SPACA6: variants seen among roughly 807,000 people sequenced by gnomAD.
SPACA6 encodes sperm acrosome membrane-associated protein 6.
For missense variants in SPACA6, 8 were observed against 2.8 expected (o/e 2.88, Z -1.34); for synonymous variants, 6 against 1.5 (o/e 4.05, Z -2.21).
intron 2 of SPACA6, among the ~76,000 whole-genome samples, chr19:51,699,510 C>G (rs79557809): frequency 3.9e-4 from 60 of 152,114 alleles, no homozygotes; most frequent in Non-Finnish European, 7.9e-4. Context: ...AACAAAGTAC[C>G]GTAGACTGGG....
chr19:51,696,281 C>T (rs555072816), intron 2 of SPACA6, among the ~76,000 whole-genome samples: 3 of 152,062 alleles, frequency 2.0e-5, no homozygotes, highest in Non-Finnish European at 2.9e-5. Context: ...CAGGAACAAC[C>T]GCTGTGACCA....
upstream of SPACA6, among the ~76,000 whole-genome samples, chr19:51,691,835 G>A (rs912804805): frequency 3.9e-5 from 6 of 152,068 alleles, no homozygotes; most frequent in Non-Finnish European, 7.4e-5. Flanking sequence ...GGGTCCCGGG[G>A]TCCAGAAGCT....
rs560215319 is a variant in SPACA6 at position 51,701,284 on chromosome 19, T to C, written c.293-374T>C. 3.9e-5 allele frequency among the ~76,000 whole-genome samples: 6 copies of C among 152,190 alleles called. No homozygotes were observed. The East Asian group carries it at 1.2e-3, about 29-fold the overall frequency. ...GATGGGACAGGGAGGGAGGGGGAAC[T>C]AGGCCAAACCATGTAAGACCTAATA... On this transcript the variant is annotated intron_variant, in intron 2 of 8. Transcript: ENST00000637797.
chr19:51,701,961 A>G (rs866909071), intron 3 of SPACA6, among the ~76,000 whole-genome samples: 14 of 152,150 alleles, frequency 9.2e-5, no homozygotes, highest in African/African-American at 3.4e-4. Flanking sequence ...AATCTCATCT[A>G]CTCAGGAGGC....
chr19:51,691,002 G>A, upstream of SPACA6, among the ~76,000 whole-genome samples: 1 of 66,148 alleles, frequency 1.5e-5, no homozygotes, highest in East Asian at 4.6e-4. Context: ...GGTTGGGAAG[G>A]AGGGAAGGGG....
chr19:51,698,954 CA>C (rs2083448916), intron 2 of SPACA6, among the ~76,000 whole-genome samples: 1 of 152,166 alleles, frequency 6.6e-6, no homozygotes, highest in African/African-American at 2.4e-5. Flanking sequence ...ACCATCAAAA[CA>C]AATTTTCAGG....
chr19:51,693,182 T>G, upstream of SPACA6: 1 of 516,456 alleles, frequency 1.9e-6, no homozygotes, highest in Middle Eastern at 3.0e-4. Context: ...TCTCTGGCTC[T>G]CAGAATGTCT....
intron 2 of SPACA6, among the ~76,000 whole-genome samples, chr19:51,711,314 G>A (rs4801888): frequency 0.032 from 4,881 of 152,236 alleles, 100 homozygotes; most frequent in Non-Finnish European, 0.05. Context: ...AGTCATTAGA[G>A]AAGGGCAAAT....
In SPACA6 at chr19:51,693,722, C is replaced by T; in HGVS notation, c.196C>T (p.Leu66Phe). 1 of 406,862 alleles carries T rather than the reference C, an allele frequency of 2.5e-6. No individual in the cohort carries two copies. The highest frequency in any genetic ancestry group is 3.5e-5 in the East Asian group (1 of 28,328). 25.2% of individuals were successfully genotyped at this position (406,862 alleles called of 1,614,324 possible). A position where few individuals can be genotyped will look rare whatever the true frequency, so the allele number is the denominator to read the frequency against. Residue 66 changes from leucine (L) to phenylalanine (F), a missense_variant, in exon 1 of 9, where the codon CTC (leucine) becomes TTC (phenylalanine). Transcript: ENST00000637797. Reference protein sequence around the residue: ...EEAFTAAFQGLSDTEINYDER... With the variant: ...EEAFTAAFQGFSDTEINYDER... Reference sequence around the variant, plus strand: ...GGCCTTCACGGCCGCCTTCCAGGGCCTCTCTGACACCGAAATCAGTGAGGA... The same window carrying T: ...GGCCTTCACGGCCGCCTTCCAGGGCTTCTCTGACACCGAAATCAGTGAGGA...
chr19:51,697,814 G>A (rs1247941800), intron 2 of SPACA6, among the ~76,000 whole-genome samples: 1 of 152,160 alleles, frequency 6.6e-6, no homozygotes, highest in Admixed American at 6.5e-5. Flanking sequence ...TGTATGCAGC[G>A]ATTAGGTGTG....
At chr19:51,701,756 GACAC>G (rs150664653) in intron 3 of SPACA6, 30 bp downstream of exon 3, 2 of 394,262 alleles carry the variant, frequency 5.1e-6, no homozygotes, top group South Asian at 1.3e-4. Flanking sequence ...TCCTTCCCCA[GACAC>G]ACACACACAC....
chr19:51,712,179 T>C (rs980320690), exon 3 of SPACA6: 14 of 151,188 alleles, frequency 9.3e-5, no homozygotes, highest in African/African-American at 3.4e-4. Flanking sequence ...GCCTGGCTAA[T>C]TTTTTTTGTA....
At chr19:51,686,848 T>C (rs2083330503), upstream of SPACA6, 1 of 152,266 alleles carries the variant, frequency 6.6e-6, no homozygotes, top group African/African-American at 2.4e-5. Context: ...TGGCTCCAAG[T>C]AGTCATTCAA....
chr19:51,698,791 G>A (rs181671834), intron 2 of SPACA6, among the ~76,000 whole-genome samples: 1 of 152,304 alleles, frequency 6.6e-6, no homozygotes, highest in East Asian at 1.9e-4. Flanking sequence ...AAGCCCGTAG[G>A]AAGTTTAGCT....
the SPACA6 span, among the ~76,000 whole-genome samples, chr19:51,683,853 G>T: frequency 4.1e-4 from 63 of 152,278 alleles, 1 homozygote; most frequent in African/African-American, 1.4e-3. Context: ...AAATGGCTGA[G>T]CCAGGATTCA....
downstream of SPACA6, chr19:51,712,511 C>T (rs1483817384): frequency 4.6e-5 from 7 of 152,312 alleles, no homozygotes; most frequent in East Asian, 1.9e-4. Context: ...GGCTCCGAAG[C>T]GAAAGGAGAA....
chr19:51,702,530 C>T lies in SPACA6; in HGVS notation c.362-99C>T, dbSNP rs542316431. On this transcript the variant is annotated intron_variant, in intron 3 of 8. Transcript: ENST00000637797. Reference sequence around the variant, plus strand: ...TGACGAAAGCTTGGCCCCGCCCCCTCGGAGCAATGCTTCGGGCCTTGTAAC... The same window carrying T: ...TGACGAAAGCTTGGCCCCGCCCCCTTGGAGCAATGCTTCGGGCCTTGTAAC... The T allele has an allele frequency of 2.0e-5, 8 of 398,514 alleles. No homozygotes were observed. The South Asian group carries it at 7.8e-4, about 39-fold the overall frequency. The allele number at this position is 398,514 out of a possible 1,614,324, so 24.7% of individuals were successfully genotyped here.
At chr19:51,685,679 G>T (rs1266036056), upstream of SPACA6, 1 of 152,068 alleles carries the variant, frequency 6.6e-6, no homozygotes, top group Non-Finnish European at 1.5e-5. Flanking sequence ...GCCCTGCTAA[G>T]TTTTAAATTT....
intron 8 of SPACA6, 79 bp from the exon 9 acceptor site, chr19:51,705,010 AC>A (rs2122229919): frequency 3.6e-6 from 1 of 280,442 alleles, no homozygotes; most frequent in African/African-American, 7.3e-5. Context: ...CACCTTTTTG[AC>A]CCTGGTGTCC....
Sources: allele counts gnomAD v4.1 joint callset (sites outside exome capture counted in the v4.1 genomes callset), GRCh38; gene constraint gnomAD v4.1.1; transcripts MANE v1.5; gene names NCBI Gene and HGNC (gene_info 2026-07-23, HGNC 2026-07-21).